AUTS2: variants seen among roughly 807,000 people sequenced by gnomAD.
AUTS2 encodes activator of transcription and developmental regulator AUTS2, also known as autism susceptibility gene 2 protein.
A neutral mutation model predicts 112.4 loss-of-function variants in AUTS2; 17 were observed. The ratio of observed to expected loss-of-function variants is 0.15; its 90% CI spans 0.10 to 0.23. The LOEUF (loss-of-function observed/expected upper bound fraction) is 0.23, where lower values mean the gene tolerates loss of function less well. AUTS2 is among the 10% of genes least tolerant of loss of function. The pLI, the probability that AUTS2 is intolerant of heterozygous loss-of-function variation, is 1.00. For missense variants in AUTS2, 1,510 were observed against 1,701.6 expected (o/e 0.89, Z 1.98); for synonymous variants, 751 against 702.7 (o/e 1.07, Z -1.09).
In AUTS2 at chr7:70,337,468, G is replaced by A. The variant is rs577255626; in HGVS notation, c.661-98284G>A. 3.6e-4 allele frequency among the ~76,000 whole-genome samples: 55 copies of A among 152,210 alleles called. 1 individual carries two copies. In the South Asian group the frequency reaches 0.01, roughly 28 times the overall value. Reference sequence around the variant, plus strand: ...CAAGATGACAAAGATTGCTTCTTACGTTCTGGAATATTACTTTATGTAGCG... The same window carrying A: ...CAAGATGACAAAGATTGCTTCTTACATTCTGGAATATTACTTTATGTAGCG... On this transcript the variant is annotated intron_variant, in intron 4 of 18. Coordinates refer to ENST00000342771, the MANE Select transcript of AUTS2 (RefSeq NM_015570.4).
intron 5 of AUTS2, among the ~76,000 whole-genome samples, chr7:70,622,029 G>A (rs190853021): frequency 9.2e-5 from 14 of 151,640 alleles, no homozygotes; most frequent in African/African-American, 3.1e-4. Flanking sequence ...GTATTTTTTA[G>A]TAGAGACCCT....
At chr7:70,469,014 A>G (rs1186998762) in intron 5 of AUTS2, among the ~76,000 whole-genome samples, 1 of 152,208 alleles carries the variant, frequency 6.6e-6, no homozygotes, top group Non-Finnish European at 1.5e-5. Context: ...GTAGTTGGGT[A>G]ATAATTATTC....
chr7:70,283,097 C>A (rs1788298224), intron 4 of AUTS2, among the ~76,000 whole-genome samples: 1 of 152,088 alleles, frequency 6.6e-6, no homozygotes, highest in South Asian at 2.1e-4. Context: ...CTGTTTGTAC[C>A]ATTCAGAATA....
At chr7:70,617,494 C>A (rs944886176) in intron 5 of AUTS2, among the ~76,000 whole-genome samples, 1 of 152,134 alleles carries the variant, frequency 6.6e-6, no homozygotes. Context: ...AACCCCGTTT[C>A]TACCAAAAAT....
chr7:70,318,347 C>A (rs1790096863), intron 4 of AUTS2, among the ~76,000 whole-genome samples: 1 of 151,850 alleles, frequency 6.6e-6, no homozygotes, highest in Admixed American at 6.6e-5. Flanking sequence ...AGGAGATGAG[C>A]ATGGGGAGGA....
At chr7:70,102,418 T>A (rs182005769) in intron 2 of AUTS2, among the ~76,000 whole-genome samples, 56 of 152,194 alleles carry the variant, frequency 3.7e-4, no homozygotes, top group African/African-American at 1.3e-3. Context: ...ACACCCAGCC[T>A]GCAGTGTTTA....
rs569511320 is a variant in AUTS2 at position 70,034,868 on chromosome 7, T to C, written c.523-83264T>C. Among the ~76,000 whole-genome samples the C allele has an allele frequency of 2.6e-5, 4 of 152,294 alleles. No individual in the cohort carries two copies. The East Asian group carries it at 7.7e-4, about 29-fold the overall frequency. ...TACTTTTTTAGAGGCTGTCTCACTC[T>C]ATCATCAGGCTGGAGTGCAGTGGCA... On this transcript the variant is annotated intron_variant, in intron 2 of 18. Transcript: ENST00000342771.
intron 2 of AUTS2, among the ~76,000 whole-genome samples, chr7:69,980,692 T>G (rs1798259830): frequency 6.6e-6 from 1 of 152,162 alleles, no homozygotes; most frequent in Non-Finnish European, 1.5e-5. Context: ...AGCAGCGGTT[T>G]GCATCTTTGG....
intron 4 of AUTS2, among the ~76,000 whole-genome samples, chr7:70,321,435 G>T (rs1169688518): frequency 3.9e-5 from 6 of 152,102 alleles, no homozygotes. Context: ...TATAAATGTT[G>T]GCAGTGTTGT....
intron 6 of AUTS2, among the ~76,000 whole-genome samples, chr7:70,720,658 T>G (rs187691106): frequency 1.3e-5 from 2 of 152,308 alleles, no homozygotes; most frequent in Non-Finnish European, 2.9e-5. Context: ...GGGTCCCTTC[T>G]CTCTTTCTTT....
At chr7:70,446,075 C>G (rs1053532024) in intron 5 of AUTS2, among the ~76,000 whole-genome samples, 1 of 152,198 alleles carries the variant, frequency 6.6e-6, no homozygotes, top group Non-Finnish European at 1.5e-5. Context: ...GCACTGCACC[C>G]TCTAAGGTAG....
At chr7:70,746,889 C>T (rs977356968) in intron 6 of AUTS2, among the ~76,000 whole-genome samples, 3 of 152,156 alleles carry the variant, frequency 2.0e-5, no homozygotes, top group South Asian at 2.1e-4. Flanking sequence ...AGGGTGCTGG[C>T]GGACAGTGGA....
At chr7:69,914,993 G>C (rs1795516591) in intron 2 of AUTS2, among the ~76,000 whole-genome samples, 1 of 152,104 alleles carries the variant, frequency 6.6e-6, no homozygotes, top group South Asian at 2.1e-4. Flanking sequence ...CCTTATACAA[G>C]AAACTCTGAC....
chr7:70,144,195 C>G (rs1283949910), intron 4 of AUTS2, among the ~76,000 whole-genome samples: 1 of 152,048 alleles, frequency 6.6e-6, no homozygotes, highest in East Asian at 1.9e-4. Flanking sequence ...CTTACTTTTT[C>G]CTACCTTTGT....
intron 5 of AUTS2, among the ~76,000 whole-genome samples, chr7:70,662,168 G>A (rs2129542981): frequency 6.6e-6 from 1 of 152,376 alleles, no homozygotes; most frequent in Non-Finnish European, 1.5e-5. Context: ...GGGAAGCTCT[G>A]CATTATTCTC....
At chr7:69,740,884 G>A (rs1170633263) in intron 1 of AUTS2, among the ~76,000 whole-genome samples, 3 of 152,116 alleles carry the variant, frequency 2.0e-5, no homozygotes, top group East Asian at 1.9e-4. Flanking sequence ...CTGCTCCTTC[G>A]GCTATGAGAA....
At chr7:69,826,447 A>C (rs10487943) in intron 1 of AUTS2, among the ~76,000 whole-genome samples, 11,571 of 152,218 alleles carry the variant, frequency 0.076, 594 homozygotes, top group African/African-American at 0.14. Flanking sequence ...CTTGGATTAG[A>C]ACACCCTATA....
intron 5 of AUTS2, among the ~76,000 whole-genome samples, chr7:70,443,284 G>T (rs990329889): frequency 6.6e-6 from 1 of 152,158 alleles, no homozygotes; most frequent in African/African-American, 2.4e-5. Context: ...GCAATAGGTG[G>T]GTGGTGGAGA....
intron 4 of AUTS2, among the ~76,000 whole-genome samples, chr7:70,207,467 T>G (rs1319545985): frequency 6.6e-6 from 1 of 152,238 alleles, no homozygotes; most frequent in Non-Finnish European, 1.5e-5. Flanking sequence ...TATAATGTAC[T>G]ATAATCATTT....
Sources: gnomAD v4.1 joint callset for allele counts (sites outside exome capture counted in the v4.1 genomes callset) on GRCh38, gnomAD v4.1.1 for gene constraint, MANE v1.5 for transcripts, NCBI Gene and HGNC (gene_info 2026-07-23, HGNC 2026-07-21) for gene names.